The following PPP2R2C variants were observed in gnomAD, a reference collection of about 807,000 sequenced individuals.
The protein encoded by PPP2R2C is protein phosphatase 2 regulatory subunit Bgamma.
Under a neutral mutation model 45.3 loss-of-function variants are expected in PPP2R2C, and 10 were observed. The ratio of observed to expected loss-of-function variants is 0.22; its 90% confidence interval spans 0.14 to 0.37. The LOEUF (loss-of-function observed/expected upper bound fraction) is 0.37. Ranked by LOEUF, PPP2R2C falls within the 10% of genes least tolerant of loss-of-function variation. The probability of loss-of-function intolerance (pLI) is 1.00; values close to 1 mark genes in which losing one functional copy is unlikely to be tolerated. For synonymous variants in PPP2R2C, 257 were observed against 245.4 expected, an observed-to-expected ratio of 1.05 and a Z score of -0.44; for missense variants, 308 against 619.7, an observed-to-expected ratio of 0.50 and a Z score of 5.34.
chr4:6,486,696 G>C (rs978029502), intron 2 of PPP2R2C, among the ~76,000 whole-genome samples: 1 of 151,946 alleles, frequency 6.6e-6, no homozygotes, highest in Non-Finnish European at 1.5e-5. Flanking sequence ...GTTAGTTAAC[G>C]CAATATATCT....
chr4:6,337,311 T>C (rs965030919), intron 6 of PPP2R2C, among the ~76,000 whole-genome samples: 47 of 151,158 alleles, frequency 3.1e-4, no homozygotes, highest in African/African-American at 9.0e-4. Context: ...TAGAGACTCA[T>C]ATTTGGGAGA....
chr4:6,365,188 G>A (rs2109275985), intron 5 of PPP2R2C, among the ~76,000 whole-genome samples: 1 of 152,300 alleles, frequency 6.6e-6, no homozygotes, highest in Non-Finnish European at 1.5e-5. Flanking sequence ...AAGACTCTCG[G>A]CCAATGCTGC....
chr4:6,356,965 G>A (rs932869869), intron 5 of PPP2R2C, among the ~76,000 whole-genome samples: 1 of 150,048 alleles, frequency 6.7e-6, no homozygotes, highest in African/African-American at 2.5e-5. Flanking sequence ...TGGCACCTCG[G>A]GCCAGTCTCA....
intron 1 of PPP2R2C, among the ~76,000 whole-genome samples, chr4:6,538,203 C>G (rs893326996): frequency 3.3e-5 from 5 of 152,136 alleles, no homozygotes; most frequent in African/African-American, 1.2e-4. Context: ...CCCACTGAGG[C>G]GGGCACCCCT....
chr4:6,441,721 T>C (rs113691224), intron 1 of PPP2R2C, among the ~76,000 whole-genome samples: 1,566 of 152,178 alleles, frequency 0.01, 35 homozygotes, highest in African/African-American at 0.035. Context: ...GTGAACTTGA[T>C]AAGGAATAGA....
intron 1 of PPP2R2C, among the ~76,000 whole-genome samples, chr4:6,393,246 T>A (rs1037960784): frequency 1.4e-4 from 21 of 151,892 alleles, no homozygotes; most frequent in Non-Finnish European, 1.5e-5. Context: ...CCCTATCCCC[T>A]CCTCTCCCCA....
intron 5 of PPP2R2C, among the ~76,000 whole-genome samples, chr4:6,354,828 C>G (rs1388787565): frequency 1.3e-5 from 2 of 152,120 alleles, no homozygotes; most frequent in East Asian, 1.9e-4. Context: ...CACAGCCCCC[C>G]ACAGCCAGGC....
At position 6,329,155 on chromosome 4, in the gene PPP2R2C, G is replaced by A; in HGVS notation, c.1052+107C>T. ...TCACCCAGACACCTGGACCCATTGA[G>A]GCTGAGTAGCCCCATGCTGCGGGTC... On this transcript the variant is annotated intron_variant, in intron 8 of 8. Coordinates refer to ENST00000382599, the MANE Select transcript of PPP2R2C (RefSeq NM_020416.4). The surrounding 1 kb of genome is among the most constrained non-coding windows in gnomAD (Gnocchi z 5.8). 1.9e-6 allele frequency: 2 copies of A among 1,056,588 alleles called. No homozygotes were observed. Among genetic ancestry groups the A allele is most frequent in the Admixed American group, 2.0e-5 (1 of 49,836 alleles). The allele number at this position is 1,056,588 out of a possible 1,614,324, so 65.5% of individuals were successfully genotyped here.
intron 1 of PPP2R2C, among the ~76,000 whole-genome samples, chr4:6,424,463 C>T (rs1560538238): frequency 6.6e-6 from 1 of 152,302 alleles, no homozygotes; most frequent in East Asian, 1.9e-4. Flanking sequence ...CACTGCTGAG[C>T]CATGTCGGGG....
intron 1 of PPP2R2C, among the ~76,000 whole-genome samples, chr4:6,443,533 C>T (rs539042267): frequency 2.7e-4 from 41 of 152,270 alleles, no homozygotes; most frequent in African/African-American, 9.6e-4. Context: ...CACTCTGCCG[C>T]AACATTCAGC....
At position 6,324,298 on chromosome 4, in the gene PPP2R2C, G is replaced by A. The variant is rs1731766921; in HGVS notation, c.1053-705C>T. The stretch of plus-strand genomic sequence containing the variant: ...AATACAAAAATTAGCTGGACATGGT[G>A]GTGGGCACCTGTAATCCCAGCTACT... On this transcript the variant is annotated intron_variant, in intron 8 of 8. Transcript: ENST00000382599. This position sits in a 1 kb window ranked among gnomAD's most constrained non-coding sequence, Gnocchi z 4.1. 6.6e-6 allele frequency among the ~76,000 whole-genome samples: 1 copy of A among 152,076 alleles called. No homozygotes were observed.
intron 1 of PPP2R2C, among the ~76,000 whole-genome samples, chr4:6,550,623 C>A (rs544355245): frequency 6.6e-6 from 1 of 152,308 alleles, no homozygotes; most frequent in African/African-American, 2.4e-5. Context: ...TTTCGCAGAG[C>A]ATCTTAGGGG....
intron 2 of PPP2R2C, among the ~76,000 whole-genome samples, chr4:6,532,986 G>T (rs905823879): frequency 1.3e-5 from 2 of 152,216 alleles, no homozygotes; most frequent in African/African-American, 4.8e-5. Flanking sequence ...TACACAGCAC[G>T]GTGAAGCCCA....
chr4:6,430,611 T>G (rs1719561447), intron 1 of PPP2R2C, among the ~76,000 whole-genome samples: 1 of 152,134 alleles, frequency 6.6e-6, no homozygotes, highest in Admixed American at 6.5e-5. Flanking sequence ...TGTAATCCTA[T>G]CCACTCCTCC....
intron 5 of PPP2R2C, chr4:6,350,160 A>G: frequency 1.0e-6 from 1 of 985,446 alleles, no homozygotes; most frequent in South Asian, 4.7e-5. Context: ...AGCAGCGATT[A>G]AATAATGAAA....
intron 1 of PPP2R2C, among the ~76,000 whole-genome samples, chr4:6,539,333 C>A (rs982414087): frequency 6.6e-6 from 1 of 152,172 alleles, no homozygotes; most frequent in Non-Finnish European, 1.5e-5. Flanking sequence ...TCAGAGGGCA[C>A]CAGCCCTGCC....
intron 1 of PPP2R2C, chr4:6,381,868 T>G: frequency 6.2e-7 from 1 of 1,611,934 alleles, no homozygotes; most frequent in Non-Finnish European, 8.5e-7. Context: ...ACTTTTTGCA[T>G]GTGGGAACTA....
intron 2 of PPP2R2C, among the ~76,000 whole-genome samples, chr4:6,508,514 G>A (rs1421782320): frequency 6.6e-6 from 1 of 151,974 alleles, no homozygotes; most frequent in Admixed American, 6.5e-5. Flanking sequence ...GCTTGAACCC[G>A]GGAGACAGAG....
At chr4:6,348,187 T>TGCTGGCTACCCC (rs1712184163) in intron 5 of PPP2R2C, among the ~76,000 whole-genome samples, 177 bp from the exon 6 acceptor site, 1 of 151,898 alleles carries the variant, frequency 6.6e-6, no homozygotes, top group African/African-American at 2.4e-5. Context: ...CATGGTGAAC[T>TGCTGGCTACCCC]GCCTGCTGGC....
Sources: allele counts gnomAD v4.1 joint callset (sites outside exome capture counted in the v4.1 genomes callset), GRCh38; gene constraint gnomAD v4.1.1; non-coding constraint Gnocchi (gnomAD v3.1); transcripts MANE v1.5; gene names NCBI Gene and HGNC (gene_info 2026-07-23, HGNC 2026-07-21).